Variants in NDOR1 observed in about 807,000 individuals in gnomAD.
The protein encoded by NDOR1 is NADPH dependent diflavin oxidoreductase 1.
A neutral mutation model predicts 67.2 loss-of-function variants in NDOR1; 61 were observed. The ratio of observed to expected loss-of-function variants is 0.91; its 90% CI spans 0.74 to 1.12. NDOR1 has a LOEUF of 1.12. Among genes scored for constraint, NDOR1 ranks in the 50% most tolerant of loss-of-function variants. The pLI, the probability that NDOR1 is intolerant of heterozygous loss-of-function variation, is 0.00. For synonymous variants in NDOR1, 378 were observed against 343.7 expected (o/e 1.10, Z -1.10); for missense variants, 878 against 802.8 (o/e 1.09, Z -1.13).
In NDOR1 at chr9:137,215,683, T is replaced by C; in HGVS notation, c.1313T>C (p.Val438Ala). 6.3e-7 allele frequency: 1 copy of C among 1,574,970 alleles called. No homozygotes were observed. The highest frequency in any genetic ancestry group is 8.6e-7 in the Non-Finnish European group (1 of 1,160,018). ...GQGPVRVPLWVRPGSLAFPET... is the reference protein window; with the variant it reads ...GQGPVRVPLWARPGSLAFPET... ...GGACCTGTCCGGGTGCCCCTCTGGG[T>C]GCGGCCTGGGAGTCTGGCCTTCCCA... The change falls in exon 11 of 14, where the codon GTG (valine) becomes GCG (alanine). Residue 438 changes from valine (V) to alanine (A), a missense_variant. Coordinates refer to ENST00000684003, the MANE Select transcript of NDOR1 (RefSeq NM_014434.4).
Position 137,217,324 on chromosome 9 carries a change from C to G in NDOR1, c.*908C>G, listed in dbSNP as rs1223726650. ...GGCTAAGATCTGATCGCCAGGACTG[C>G]GTTCTGGGCAGGTGCTGGGAAGGCG... On this transcript the variant is annotated 3_prime_UTR_variant, in exon 14 of 14. Coordinates refer to ENST00000684003, the MANE Select transcript of NDOR1 (RefSeq NM_014434.4). 6.6e-6 allele frequency: 1 copy of G among 152,590 alleles called. No homozygotes were observed. The highest frequency in any genetic ancestry group is 2.4e-5 in the African/African-American group (1 of 41,446). The allele number at this position is 152,590 out of a possible 1,614,324, so 9.5% of individuals were successfully genotyped here.
rs199703256 is a variant in NDOR1, at chr9:137,215,430, C to T, written c.1197C>T (p.Ile399=). 1,172 of 1,595,186 alleles carry T rather than the reference C, an allele frequency of 7.3e-4. 12 individuals are homozygous for T. The South Asian group carries it at 0.012, about 16-fold the overall frequency. ...SLLTHPSRLQ[I]LVAVVQFQTR... is the part of the protein sequence containing the mutation. Reference sequence around the variant, plus strand: ...AGACTCACCCCTCACGGCTGCAGATCCTCGTGGCTGTAGTGCAGTTCCAGA... The same window carrying T: ...AGACTCACCCCTCACGGCTGCAGATTCTCGTGGCTGTAGTGCAGTTCCAGA... Residue 399 remains isoleucine, a synonymous_variant, in exon 10 of 14, where the codon ATC becomes ATT. Transcript: ENST00000684003.
intron 2 of NDOR1, among the ~76,000 whole-genome samples, chr9:137,209,225 A>G (rs1046493373): frequency 1.3e-5 from 2 of 152,144 alleles, no homozygotes; most frequent in African/African-American, 4.8e-5. Context: ...GACAGGAGAA[A>G]GAGGCTGAAG....
Position 137,215,974 on chromosome 9 carries a change from A to C in NDOR1, c.1511A>C (p.Lys504Thr). The change falls in exon 12 of 14, where the codon AAG becomes ACG. Residue 504 changes from lysine to threonine, a missense_variant. Physicochemically the swap from Lys to Thr is moderately conservative, Grantham distance 78 (BLOSUM62 -1). Coordinates refer to ENST00000684003, the MANE Select transcript of NDOR1 (RefSeq NM_014434.4). ...GAGGCTGAGTGGCAGGAGCTGGAGAAGCGGGACTGTCTGACCCTCATCCCT... is the reference window on the plus strand; with the variant it reads ...GAGGCTGAGTGGCAGGAGCTGGAGACGCGGGACTGTCTGACCCTCATCCCT... ...YWEAEWQELE[K>T]RDCLTLIPAF... is the part of the protein sequence containing the mutation. The C allele has an allele frequency of 6.2e-7, 1 of 1,613,380 alleles. No homozygotes were observed. Among genetic ancestry groups the C allele is most frequent in the Non-Finnish European group, 8.5e-7 (1 of 1,180,000 alleles).
At chr9:137,211,507 A>G (rs983804833) in intron 2 of NDOR1, among the ~76,000 whole-genome samples, 1 of 152,110 alleles carries the variant, frequency 6.6e-6, no homozygotes, top group Non-Finnish European at 1.5e-5. Context: ...GAAAAGTCAC[A>G]AGAATGTTCT....
rs772544367 is a variant in NDOR1, at chr9:137,215,646, C to T, written c.1289-13C>T. On this transcript the variant is annotated splice_polypyrimidine_tract_variant and intron_variant, in intron 10 of 13. Transcript: ENST00000684003. ...TCTTTGATCCTCTTCATGCCACCTC[C>T]TTCCTGCAATAGGACCTGTCCGGGT... 5 of 1,575,786 alleles carry T rather than the reference C, an allele frequency of 3.2e-6. No homozygotes were observed. Among genetic ancestry groups the T allele is most frequent in the South Asian group, 1.2e-5 (1 of 85,318 alleles).
intron 3 of NDOR1, among the ~76,000 whole-genome samples, chr9:137,213,187 G>A (rs543245057): frequency 1.3e-5 from 2 of 152,366 alleles, no homozygotes; most frequent in East Asian, 1.9e-4. Flanking sequence ...CGGTTCTGCC[G>A]GGAGGTTTTG....
At chr9:137,206,765 C>T (rs539597814) in intron 2 of NDOR1, among the ~76,000 whole-genome samples, 3 of 152,300 alleles carry the variant, frequency 2.0e-5, no homozygotes, top group African/African-American at 7.2e-5. Flanking sequence ...TGCCAGCAAA[C>T]ACCTGCTGCT....
intron 2 of NDOR1, among the ~76,000 whole-genome samples, chr9:137,208,793 C>A (rs1408794272): frequency 1.3e-5 from 2 of 151,694 alleles, no homozygotes; most frequent in Non-Finnish European, 2.9e-5. Flanking sequence ...CACTACACTC[C>A]AGCCTGGGCG....
intron 2 of NDOR1, among the ~76,000 whole-genome samples, chr9:137,208,336 A>T (rs1363893890): frequency 6.6e-6 from 1 of 151,864 alleles, no homozygotes; most frequent in African/African-American, 2.4e-5. Context: ...CTGTAGTCCC[A>T]GCTACTCGGG....
At position 137,205,787 on chromosome 9, in the gene NDOR1, C is replaced by G; in HGVS notation, c.10C>G (p.Pro4Ala). 6.2e-7 allele frequency: 1 copy of G among 1,604,320 alleles called. No homozygotes were observed. Among genetic ancestry groups the G allele is most frequent in the Non-Finnish European group, 8.5e-7 (1 of 1,179,666 alleles). The change falls in exon 1 of 14, where the codon CCG becomes GCG. Residue 4 changes from proline (P) to alanine (A), a missense_variant. By Grantham distance (27) the Pro-to-Ala change is conservative (BLOSUM62 -1). Transcript: ENST00000684003. ...CACCGGGCGCACCCCGATGCCGAGCCCGCAGCTTCTGGTGCTCTTCGGCAG... is the reference window on the plus strand; with the variant it reads ...CACCGGGCGCACCCCGATGCCGAGCGCGCAGCTTCTGGTGCTCTTCGGCAG... MPSPQLLVLFGSQT... is the reference protein window; with the variant it reads MPSAQLLVLFGSQT...
rs1413046167 is a variant in NDOR1, at chr9:137,216,470, A to G, written c.*54A>G. ...CAGCCATCCTCCTGGGAGCCCAGGA[A>G]GGCATCCACGAGGGAGCTCCTGGCC... On this transcript the variant is annotated 3_prime_UTR_variant, in exon 14 of 14. Coordinates refer to ENST00000684003, the MANE Select transcript of NDOR1 (RefSeq NM_014434.4). 1.0e-5 allele frequency: 16 copies of G among 1,563,662 alleles called. 1 individual carries two copies. The South Asian group carries it at 1.0e-4, about 10-fold the overall frequency.
intron 2 of NDOR1, among the ~76,000 whole-genome samples, chr9:137,209,114 C>T (rs1835124017): frequency 6.6e-6 from 1 of 152,142 alleles, no homozygotes; most frequent in Admixed American, 6.5e-5. Flanking sequence ...ATCTCCTGAC[C>T]TCGTGATCCA....
Position 137,212,674 on chromosome 9 carries a change from G to C in NDOR1, c.311+75G>C. On this transcript the variant is annotated intron_variant, in intron 3 of 13. Transcript: ENST00000684003. This position sits in a 1 kb window ranked among gnomAD's most constrained non-coding sequence, Gnocchi z 4.3. ...GCAACAGGTGTGCTGGCAGAGGACC[G>C]AGACCAGCTTCCAGGGTCGGCCCCT... The C allele has an allele frequency of 7.2e-7, 1 of 1,385,764 alleles. No homozygotes were observed. Among genetic ancestry groups the C allele is most frequent in the African/African-American group, 1.4e-5 (1 of 70,278 alleles). 85.8% of individuals were successfully genotyped at this position (1,385,764 alleles called of 1,614,324 possible). A position where few individuals can be genotyped will look rare whatever the true frequency, so the allele number is the denominator to read the frequency against.
rs1310950124 is a variant in NDOR1, at chr9:137,215,955, G to C, written c.1492G>C (p.Glu498Gln). ...GGACCAAGACTTCTACTGGGAGGCT[G>C]AGTGGCAGGAGCTGGAGAAGCGGGA... ...WRDQDFYWEAEWQELEKRDCL... is the reference protein window; with the variant it reads ...WRDQDFYWEAQWQELEKRDCL... Residue 498 changes from glutamate to glutamine, a missense_variant, in exon 12 of 14, where the codon GAG becomes CAG. Transcript: ENST00000684003. 1 of 1,613,550 alleles carries C rather than the reference G, an allele frequency of 6.2e-7. No individual in the cohort carries two copies. The highest frequency in any genetic ancestry group is 1.7e-5 in the Admixed American group (1 of 60,032).
chr9:137,209,084 T>A (rs1321608213), intron 2 of NDOR1, among the ~76,000 whole-genome samples: 1 of 151,890 alleles, frequency 6.6e-6, no homozygotes, highest in South Asian at 2.1e-4. Context: ...GGTTTCACCG[T>A]GTTAGCCAGG....
Position 137,213,705 on chromosome 9 carries a change from TCC to T in NDOR1, c.312-73_312-72del, listed in dbSNP as rs1011292588. On this transcript the variant is annotated intron_variant, in intron 3 of 13. Coordinates refer to ENST00000684003, the MANE Select transcript of NDOR1 (RefSeq NM_014434.4). The stretch of plus-strand genomic sequence containing the variant: ...TCCACTCTTCGCCCGGGCTCCACTC[TCC>T]CGGGTTCCACTCTGCCTGGGCACCA... 4 of 1,441,974 alleles carry T rather than the reference TCC, an allele frequency of 2.8e-6. No individual in the cohort carries two copies. In the Admixed American group the frequency reaches 6.6e-5, roughly 24 times the overall value. The allele number at this position is 1,441,974 out of a possible 1,614,324, so 89.3% of individuals were successfully genotyped here.
chr9:137,207,161 C>T (rs776496317), intron 2 of NDOR1, among the ~76,000 whole-genome samples: 7 of 152,084 alleles, frequency 4.6e-5, no homozygotes. Context: ...CAAAACCGCA[C>T]TGGTCTGCAG....
Position 137,205,916 on chromosome 9 carries a change from A to G in NDOR1, c.135+4A>G, listed in dbSNP as rs2131360655. The G allele has an allele frequency of 6.3e-7, 1 of 1,579,316 alleles. No homozygotes were observed. The highest frequency in any genetic ancestry group is 8.6e-7 in the Non-Finnish European group (1 of 1,167,822). Reference sequence around the variant, plus strand: ...GGCCCTGGACTCCTACCCGGTGGTGAGGGCTCGCTAGGGCCTCGGCGTGGG... The same window carrying G: ...GGCCCTGGACTCCTACCCGGTGGTGGGGGCTCGCTAGGGCCTCGGCGTGGG... On this transcript the variant is annotated splice_donor_region_variant and intron_variant, in intron 1 of 13. Coordinates refer to ENST00000684003, the MANE Select transcript of NDOR1 (RefSeq NM_014434.4).
Sources: allele counts gnomAD v4.1 joint callset (sites outside exome capture counted in the v4.1 genomes callset), GRCh38; gene constraint gnomAD v4.1.1; non-coding constraint Gnocchi (gnomAD v3.1); transcripts MANE v1.5; gene names NCBI Gene and HGNC (gene_info 2026-07-23, HGNC 2026-07-21).